The following LRRC37A variants were observed in gnomAD, a reference collection of about 807,000 sequenced individuals.
LRRC37A encodes the protein leucine-rich repeat-containing protein 37A.
A neutral mutation model predicts 35.4 loss-of-function variants in LRRC37A; 3 were observed. The ratio of observed to expected loss-of-function variants is 0.08; its 90% CI spans 0.04 to 0.22. LRRC37A has a LOEUF of 0.22. LRRC37A is among the 10% of genes least tolerant of loss of function. LRRC37A has a pLI of 1.00. For synonymous variants in LRRC37A, 23 were observed against 215.0 expected, an observed-to-expected ratio of 0.11 and a Z score of 7.81; for missense variants, 67 against 565.3, an observed-to-expected ratio of 0.12 and a Z score of 8.94.
the LRRC37A span, among the ~76,000 whole-genome samples, chr17:46,281,490 A>G: frequency 6.6e-6 from 1 of 151,972 alleles, no homozygotes; most frequent in Non-Finnish European, 1.5e-5. Context: ...CCTGGGCACA[A>G]GTGATCACAG....
At chr17:46,252,740 T>C in the LRRC37A span, among the ~76,000 whole-genome samples, 20,109 of 148,858 alleles carry the variant, frequency 0.14, 1,975 homozygotes, top group Middle Eastern at 0.21. Context: ...TTTCTTAGTA[T>C]AGAACAAAAT....
At chr17:46,279,416 T>G in the LRRC37A span, among the ~76,000 whole-genome samples, 3 of 151,782 alleles carry the variant, frequency 2.0e-5, no homozygotes, top group African/African-American at 7.3e-5. Context: ...ACTCCCGACC[T>G]CAGGTGATCC....
At chr17:46,276,807 T>C in the LRRC37A span, among the ~76,000 whole-genome samples, 428 of 149,674 alleles carry the variant, frequency 2.9e-3, 3 homozygotes, top group East Asian at 0.016. Flanking sequence ...TTTTTTTTTT[T>C]GATTTGTTTG....
the LRRC37A span, among the ~76,000 whole-genome samples, chr17:46,279,404 G>A: frequency 0.12 from 18,428 of 148,730 alleles, 2 homozygotes; most frequent in Middle Eastern, 0.19. Flanking sequence ...GGCTGGTCTT[G>A]AACTCCCGAC....
chr17:46,283,010 G>A, the LRRC37A span, among the ~76,000 whole-genome samples: 2 of 152,078 alleles, frequency 1.3e-5, no homozygotes, highest in Non-Finnish European at 2.9e-5. Context: ...TCCCAACTAC[G>A]CGGGAGGCTG....
At chr17:46,313,102 G>GAATT (rs2050898065) in intron 5 of LRRC37A, among the ~76,000 whole-genome samples, 1 of 62,102 alleles carries the variant, frequency 1.6e-5, no homozygotes, top group African/African-American at 6.5e-5. Flanking sequence ...ACAATTCAGT[G>GAATT]GTGGTTAGTA....
intron 5 of LRRC37A, among the ~76,000 whole-genome samples, chr17:46,317,140 T>G (rs1189258128): frequency 1.4e-5 from 1 of 71,842 alleles, no homozygotes. Flanking sequence ...ACCTCCCAGA[T>G]GGGGTGGCGG....
the LRRC37A span, among the ~76,000 whole-genome samples, chr17:46,280,204 A>G: frequency 9.9e-5 from 15 of 152,064 alleles, no homozygotes; most frequent in Non-Finnish European, 2.1e-4. Context: ...TCCCTACTAA[A>G]AACACAAAAA....
chr17:46,288,716 T>C, upstream of LRRC37A, among the ~76,000 whole-genome samples: 1 of 151,888 alleles, frequency 6.6e-6, no homozygotes, highest in East Asian at 1.9e-4. Flanking sequence ...CTTTTTTTTT[T>C]TTTTTGAGAC....
chr17:46,267,647 G>A, the LRRC37A span: 137 of 1,369,454 alleles, frequency 1.0e-4, no homozygotes, highest in African/African-American at 1.8e-3. Flanking sequence ...ATTGTAACAT[G>A]ATTAGGATTT....
chr17:46,285,396 A>G, the LRRC37A span, among the ~76,000 whole-genome samples: 2 of 151,754 alleles, frequency 1.3e-5, no homozygotes, highest in Non-Finnish European at 2.9e-5. Context: ...TCACGCCACC[A>G]CACCCGACTA....
the LRRC37A span, among the ~76,000 whole-genome samples, chr17:46,258,712 T>C: frequency 7.3e-6 from 1 of 137,298 alleles, no homozygotes; most frequent in South Asian, 2.3e-4. Flanking sequence ...TTATTCTTTT[T>C]TTTTTTTTTT....
chr17:46,286,637 T>G, the LRRC37A span, among the ~76,000 whole-genome samples: 2 of 151,652 alleles, frequency 1.3e-5, no homozygotes, highest in Non-Finnish European at 2.9e-5. Flanking sequence ...GAAGGGTAGG[T>G]AAAAAGGGAA....
chr17:46,265,639 G>A, the LRRC37A span, among the ~76,000 whole-genome samples: 6 of 151,862 alleles, frequency 4.0e-5, no homozygotes, highest in South Asian at 4.1e-4. Flanking sequence ...TACCATGCCC[G>A]GCTAATTTTT....
the LRRC37A span, among the ~76,000 whole-genome samples, chr17:46,282,976 G>A: frequency 2.0e-5 from 3 of 151,882 alleles, no homozygotes; most frequent in Admixed American, 6.6e-5. Flanking sequence ...AAAATTAGTC[G>A]GGTGTGATGG....
At chr17:46,259,042 T>TTTTTTTTTTTTC in the LRRC37A span, among the ~76,000 whole-genome samples, 1 of 126,886 alleles carries the variant, frequency 7.9e-6, no homozygotes, top group Non-Finnish European at 1.6e-5. Context: ...TTTTTTTTTT[T>TTTTTTTTTTTTC]TTTTTTTTTT....
At chr17:46,259,646 C>G in the LRRC37A span, 3 of 1,607,304 alleles carry the variant, frequency 1.9e-6, no homozygotes, top group South Asian at 3.3e-5. Context: ...GACACAGCAT[C>G]CTTGGCCACC....
At chr17:46,281,097 A>G in the LRRC37A span, among the ~76,000 whole-genome samples, 1 of 152,128 alleles carries the variant, frequency 6.6e-6, no homozygotes, top group African/African-American at 2.4e-5. Context: ...CTTGTTTTAT[A>G]GATTGTCTGT....
the LRRC37A span, among the ~76,000 whole-genome samples, chr17:46,285,692 G>C: frequency 6.6e-6 from 1 of 152,236 alleles, no homozygotes; most frequent in Non-Finnish European, 1.5e-5. Flanking sequence ...CTGAGGTGGT[G>C]TGGGGATATG....
Sources: allele counts gnomAD v4.1 joint callset (sites outside exome capture counted in the v4.1 genomes callset), GRCh38; gene constraint gnomAD v4.1.1; transcripts MANE v1.5; gene names NCBI Gene and HGNC (gene_info 2026-07-23, HGNC 2026-07-21).